Variants in SOBP observed in about 807,000 individuals in gnomAD.
SOBP encodes the protein sine oculis-binding protein homolog.
In SOBP, 4 loss-of-function variants were observed where a neutral mutation model predicts 53.6. The ratio of observed to expected loss-of-function variants is 0.07; its 90% CI spans 0.04 to 0.17. The LOEUF (loss-of-function observed/expected upper bound fraction) is 0.17, where lower values mean the gene tolerates loss of function less well. SOBP is among the 10% of genes least tolerant of loss of function. The probability of loss-of-function intolerance (pLI) is 1.00; values close to 1 mark genes in which losing one functional copy is unlikely to be tolerated. For missense variants in SOBP, 1,088 were observed against 1,204.7 expected (o/e 0.90, Z 1.43); for synonymous variants, 584 against 522.6 (o/e 1.12, Z -1.60).
intron 4 of SOBP, among the ~76,000 whole-genome samples, chr6:107,556,655 A>G (rs538864290): frequency 4.3e-4 from 66 of 152,388 alleles, no homozygotes; most frequent in African/African-American, 1.6e-3. Flanking sequence ...AGCAAGTGGC[A>G]TAACCTAGTC....
At chr6:107,513,426 G>C (rs1032504356) in intron 3 of SOBP, among the ~76,000 whole-genome samples, 2 of 152,152 alleles carry the variant, frequency 1.3e-5, no homozygotes, top group African/African-American at 4.8e-5. Context: ...GTAACCCACA[G>C]TTAATAAGCA....
At chr6:107,570,796 A>G (rs1785052226) in intron 4 of SOBP, among the ~76,000 whole-genome samples, 1 of 152,260 alleles carries the variant, frequency 6.6e-6, no homozygotes, top group African/African-American at 2.4e-5. Flanking sequence ...TAGCAGTGCT[A>G]TCACAATCCA....
At chr6:107,552,668 A>C (rs1784492488) in intron 4 of SOBP, among the ~76,000 whole-genome samples, 1 of 152,230 alleles carries the variant, frequency 6.6e-6, no homozygotes, top group African/African-American at 2.4e-5. Flanking sequence ...TAACCATGGC[A>C]CGAGGCACAT....
At chr6:107,517,471 A>C (rs950195221) in intron 3 of SOBP, among the ~76,000 whole-genome samples, 1 of 152,250 alleles carries the variant, frequency 6.6e-6, no homozygotes, top group Non-Finnish European at 1.5e-5. Context: ...CACTAATCCC[A>C]CTGGACAAAG....
intron 4 of SOBP, among the ~76,000 whole-genome samples, chr6:107,570,379 C>A (rs573227617): frequency 1.3e-5 from 2 of 152,348 alleles, no homozygotes; most frequent in Non-Finnish European, 2.9e-5. Context: ...CTAAATCAAT[C>A]AATCTAGGGA....
intron 5 of SOBP, among the ~76,000 whole-genome samples, chr6:107,626,362 C>T (rs1770461412): frequency 6.6e-6 from 1 of 152,216 alleles, no homozygotes; most frequent in Non-Finnish European, 1.5e-5. Context: ...GTCTCTCCTG[C>T]CCTGTTCCAC....
intron 1 of SOBP, among the ~76,000 whole-genome samples, chr6:107,500,041 C>T (rs1352563943): frequency 6.6e-6 from 1 of 152,116 alleles, no homozygotes; most frequent in African/African-American, 2.4e-5. Flanking sequence ...GAATTCTCTG[C>T]TAGAAAGACT....
In SOBP at chr6:107,660,945, G is replaced by C. The variant is rs987388873; in HGVS notation, c.*2742G>C. On this transcript the variant is annotated 3_prime_UTR_variant, in exon 7 of 7. Coordinates refer to ENST00000317357, the MANE Select transcript of SOBP (RefSeq NM_018013.4). Reference sequence around the variant, plus strand: ...AGAATCTTGGAGGCTTCCTGGTGCAGAGTTATATTTATGGCGGTGACTCCG... The same window carrying C: ...AGAATCTTGGAGGCTTCCTGGTGCACAGTTATATTTATGGCGGTGACTCCG... Among the ~76,000 whole-genome samples the C allele has an allele frequency of 6.6e-6, 1 of 152,222 alleles. No individual in the cohort carries two copies. Among genetic ancestry groups the C allele is most frequent in the Non-Finnish European group, 1.5e-5 (1 of 68,038 alleles).
At chr6:107,517,457 A>G (rs918672890) in intron 3 of SOBP, among the ~76,000 whole-genome samples, 3 of 152,130 alleles carry the variant, frequency 2.0e-5, no homozygotes, top group Non-Finnish European at 4.4e-5. Context: ...TCTTCTCATA[A>G]GGGCACTAAT....
intron 5 of SOBP, 123 bp downstream of exon 5, chr6:107,587,298 T>A: frequency 1.3e-6 from 1 of 782,184 alleles, no homozygotes; most frequent in Non-Finnish European, 2.2e-6. Context: ...TATAGAGTTC[T>A]AAATGCTAAT....
chr6:107,583,495 G>A (rs1361201750), intron 4 of SOBP, among the ~76,000 whole-genome samples: 2 of 152,094 alleles, frequency 1.3e-5, no homozygotes, highest in Non-Finnish European at 1.5e-5. Flanking sequence ...GATAATTTTT[G>A]CCCACAAGCA....
chr6:107,587,287 G>A (rs2115060218), intron 5 of SOBP, 112 bp downstream of exon 5: 1 of 864,648 alleles, frequency 1.2e-6, no homozygotes, highest in South Asian at 1.4e-5. Flanking sequence ...ATAGTTTTCT[G>A]TATAGAGTTC....
chr6:107,614,309 G>T (rs572395958), intron 5 of SOBP, among the ~76,000 whole-genome samples: 1 of 152,288 alleles, frequency 6.6e-6, no homozygotes, highest in Admixed American at 6.5e-5. Context: ...TGCAGCAGGA[G>T]GATCCCTTGA....
chr6:107,652,542 T>C (rs1387910056), intron 6 of SOBP, among the ~76,000 whole-genome samples: 2 of 152,156 alleles, frequency 1.3e-5, no homozygotes, highest in Admixed American at 6.5e-5. Context: ...AATGATGAAA[T>C]TACAACAAAG....
In SOBP at chr6:107,634,758, C is replaced by G. The variant is rs1322235163; in HGVS notation, c.1914C>G (p.Gly638=). The change falls in exon 6 of 7, where the codon GGC becomes GGG. Residue 638 remains glycine (G), a synonymous_variant. Transcript: ENST00000317357. The surrounding 1 kb of genome is among the most constrained non-coding windows in gnomAD (Gnocchi z 4.5). The part of the protein sequence containing the change: ...GSPPGPPGAG[G]QLGFPGVLQG... ...CCCCGGGCCCCCCGGGCGCGGGCGG[C>G]CAGCTCGGCTTCCCAGGCGTGCTGC... is the stretch of plus-strand genomic sequence containing the variant. The G allele has an allele frequency of 7.1e-5, 95 of 1,341,754 alleles. No homozygotes were observed. Among genetic ancestry groups the G allele is most frequent in the Non-Finnish European group, 8.5e-5 (90 of 1,053,056 alleles). 83.1% of individuals were successfully genotyped at this position (1,341,754 alleles called of 1,614,324 possible).
At chr6:107,521,909 AAC>A (rs34004579) in intron 3 of SOBP, among the ~76,000 whole-genome samples, 4,214 of 139,204 alleles carry the variant, frequency 0.03, 89 homozygotes, top group East Asian at 0.097. Flanking sequence ...CAGACATTAA[AAC>A]ACACACACAC....
intron 5 of SOBP, among the ~76,000 whole-genome samples, chr6:107,621,639 T>C (rs1770180565): frequency 6.6e-6 from 1 of 152,194 alleles, no homozygotes; most frequent in African/African-American, 2.4e-5. Flanking sequence ...ACACGGAGCC[T>C]TTTGAATTTG....
At chr6:107,655,931 T>A (rs1481790406) in intron 6 of SOBP, among the ~76,000 whole-genome samples, 1 of 152,168 alleles carries the variant, frequency 6.6e-6, no homozygotes, top group Admixed American at 6.5e-5. Context: ...AGTTGCAGCA[T>A]CCCTAAGTAA....
intron 5 of SOBP, among the ~76,000 whole-genome samples, chr6:107,606,103 G>A (rs1786368163): frequency 8.9e-6 from 1 of 111,904 alleles, no homozygotes; most frequent in South Asian, 2.9e-4. Context: ...TTGAAAGGGA[G>A]TCTCATTCTA....
Sources: gnomAD v4.1 joint callset for allele counts (sites outside exome capture counted in the v4.1 genomes callset) on GRCh38, gnomAD v4.1.1 for gene constraint, Gnocchi (gnomAD v3.1) non-coding constraint, MANE v1.5 for transcripts, NCBI Gene and HGNC (gene_info 2026-07-23, HGNC 2026-07-21) for gene names.